The following WDR70 variants were observed in gnomAD, a reference collection of about 807,000 sequenced individuals.
WDR70 encodes the protein WD repeat-containing protein 70.
A neutral mutation model predicts 88.6 loss-of-function variants in WDR70; 53 were observed. The observed-to-expected ratio is 0.60, with a 90% confidence interval of 0.48 to 0.75. The LOEUF is 0.75. Among genes scored for constraint, WDR70 ranks in the 30% least tolerant of loss-of-function variants. WDR70 has a pLI of 0.00. For synonymous variants in WDR70, 280 were observed against 270.0 expected, an observed-to-expected ratio of 1.04 and a Z score of -0.36; for missense variants, 610 against 823.2, an observed-to-expected ratio of 0.74 and a Z score of 3.17.
chr5:37,515,855 G>A (rs1740872434), intron 8 of WDR70, among the ~76,000 whole-genome samples: 1 of 152,138 alleles, frequency 6.6e-6, no homozygotes, highest in African/African-American at 2.4e-5. Flanking sequence ...GTATATATGT[G>A]TGTGTTTATG....
intron 5 of WDR70, 81 bp downstream of exon 5, chr5:37,396,651 A>C: frequency 6.9e-7 from 1 of 1,446,742 alleles, no homozygotes; most frequent in Non-Finnish European, 9.0e-7. Context: ...ACTGTTTTTC[A>C]TGAGTAAGAG....
intron 9 of WDR70, among the ~76,000 whole-genome samples, chr5:37,565,163 G>A (rs762726478): frequency 1.9e-4 from 29 of 152,086 alleles, no homozygotes; most frequent in Admixed American, 1.4e-3. Context: ...GTATTATAAG[G>A]TGGGAATAAG....
chr5:37,698,789 G>T lies in WDR70; in HGVS notation c.1192+1035G>T, dbSNP rs111411116. ...CTAGTCCCTGTCCTTTTACCCTGGG[G>T]AACTCATTCAGATTCTCTTTAAGGA... On this transcript the variant is annotated intron_variant, in intron 11 of 17. Coordinates refer to ENST00000265107, the MANE Select transcript of WDR70 (RefSeq NM_018034.4). Among the ~76,000 whole-genome samples the T allele has an allele frequency of 3.2e-4, 48 of 152,198 alleles. 1 individual carries two copies. Among genetic ancestry groups the T allele is most frequent in the African/African-American group, 1.0e-3 (42 of 41,546 alleles).
intron 13 of WDR70, among the ~76,000 whole-genome samples, chr5:37,707,159 A>G (rs528914622): frequency 6.6e-6 from 1 of 152,278 alleles, no homozygotes; most frequent in East Asian, 1.9e-4. Flanking sequence ...GACTAATAGA[A>G]TTTTCTTTTT....
chr5:37,462,121 G>A (rs1739025088), intron 7 of WDR70, among the ~76,000 whole-genome samples: 1 of 152,032 alleles, frequency 6.6e-6, no homozygotes, highest in Non-Finnish European at 1.5e-5. Context: ...TTTGGCATTT[G>A]GAGTAGGGAA....
At position 37,516,545 on chromosome 5, in the gene WDR70, G is replaced by C; in HGVS notation, c.872G>C (p.Trp291Ser). ...GHTAMLHTGSWHPKIKGEFMT... is the reference protein window; with the variant it reads ...GHTAMLHTGSSHPKIKGEFMT... ...ACAGCAATGCTTCATACTGGCTCAT[G>C]GCATCCCAAAATAAAGGGAGAATTT... Residue 291 changes from tryptophan to serine, a missense_variant, in exon 9 of 18, where the codon TGG becomes TCG. Trp to Ser is a radical substitution (Grantham distance 177). Transcript: ENST00000265107. 6.2e-7 allele frequency: 1 copy of C among 1,605,488 alleles called. No homozygotes were observed. Among genetic ancestry groups the C allele is most frequent in the Non-Finnish European group, 8.5e-7 (1 of 1,174,622 alleles).
intron 9 of WDR70, among the ~76,000 whole-genome samples, chr5:37,576,562 C>T (rs1312447943): frequency 6.6e-6 from 1 of 152,112 alleles, no homozygotes; most frequent in Non-Finnish European, 1.5e-5. Flanking sequence ...TCACTTAGGA[C>T]ATTAGAACAA....
chr5:37,738,431 A>G (rs1185099496), intron 17 of WDR70, among the ~76,000 whole-genome samples: 1 of 152,184 alleles, frequency 6.6e-6, no homozygotes, highest in Non-Finnish European at 1.5e-5. Context: ...AAAGAATTTG[A>G]CCTGTGGACT....
At chr5:37,499,599 C>CTCTA (rs1740340877) in intron 8 of WDR70, among the ~76,000 whole-genome samples, 2 of 50,856 alleles carry the variant, frequency 3.9e-5, no homozygotes, top group African/African-American at 8.0e-5. Context: ...CTCTCTCTCT[C>CTCTA]TCTCTCTCTC....
chr5:37,606,263 G>A (rs1165250191), intron 10 of WDR70, among the ~76,000 whole-genome samples: 1 of 152,066 alleles, frequency 6.6e-6, no homozygotes, highest in African/African-American at 2.4e-5. Context: ...AATATCTTTG[G>A]CATTTTCTGT....
chr5:37,679,300 G>A (rs1185121865), intron 10 of WDR70, among the ~76,000 whole-genome samples: 2 of 152,078 alleles, frequency 1.3e-5, no homozygotes, highest in African/African-American at 4.8e-5. Flanking sequence ...TGGAGGAGGA[G>A]AGGCACCCTG....
At chr5:37,721,339 T>C (rs1305475272) in intron 14 of WDR70, 124 bp downstream of exon 14, 1 of 819,908 alleles carries the variant, frequency 1.2e-6, no homozygotes, top group Non-Finnish European at 1.9e-6. Context: ...AAAATGCAGC[T>C]GGAACAAAGT....
At chr5:37,549,204 T>G (rs1742075622) in intron 9 of WDR70, among the ~76,000 whole-genome samples, 1 of 152,238 alleles carries the variant, frequency 6.6e-6, no homozygotes, top group South Asian at 2.1e-4. Flanking sequence ...GGGATTGCAT[T>G]GAATCTGTAG....
Position 37,747,873 on chromosome 5 carries a change from G to GA in WDR70, c.1878-4611dup, listed in dbSNP as rs1318771745. Among the ~76,000 whole-genome samples the GA allele has an allele frequency of 5.3e-5, 8 of 152,214 alleles. No homozygotes were observed. In the South Asian group the frequency reaches 1.7e-3, roughly 32 times the overall value. On this transcript the variant is annotated intron_variant, in intron 17 of 17. Transcript: ENST00000265107. ...ACAAGCAGAGAGTCAAATCATGAAT[G>GA]AACTCCCATTCACAGTCACTACAAA...
intron 10 of WDR70, among the ~76,000 whole-genome samples, chr5:37,658,950 A>T (rs1394052704): frequency 6.6e-6 from 1 of 152,194 alleles, no homozygotes; most frequent in Non-Finnish European, 1.5e-5. Context: ...GAGGGCCTGA[A>T]GAAGGGGTCT....
At position 37,379,402 on chromosome 5, in the gene WDR70, A is replaced by T. The variant is rs751909772; in HGVS notation, c.25+10A>T. ...TCTGGGCCCAGCGAAGGTGGGTTTC[A>T]TGAGGCGAGTCCGGGCGGGGTGGGC... On this transcript the variant is annotated intron_variant, in intron 1 of 17. Transcript: ENST00000265107. 6.2e-7 allele frequency: 1 copy of T among 1,613,596 alleles called. No homozygotes were observed. Among genetic ancestry groups the T allele is most frequent in the Non-Finnish European group, 8.5e-7 (1 of 1,179,810 alleles).
intron 7 of WDR70, among the ~76,000 whole-genome samples, chr5:37,463,328 A>G (rs1328573323): frequency 6.6e-6 from 1 of 151,532 alleles, no homozygotes; most frequent in Non-Finnish European, 1.5e-5. Context: ...ATCATCACGC[A>G]GCTAGTTAGC....
chr5:37,706,301 C>T lies in WDR70; in HGVS notation c.1416+3214C>T, dbSNP rs1157401811. ...CCATACGATGTTTGCACGCATTTTA[C>T]AATTCTGCTAAAATTTTTAGACATT... is the stretch of plus-strand genomic sequence containing the variant. On this transcript the variant is annotated intron_variant, in intron 13 of 17. Coordinates refer to ENST00000265107, the MANE Select transcript of WDR70 (RefSeq NM_018034.4). 2.0e-5 allele frequency among the ~76,000 whole-genome samples: 3 copies of T among 152,196 alleles called. No individual in the cohort carries two copies. In the South Asian group the frequency reaches 6.2e-4, roughly 32 times the overall value.
intron 7 of WDR70, among the ~76,000 whole-genome samples, chr5:37,447,275 A>G (rs186351238): frequency 6.6e-6 from 1 of 152,328 alleles, no homozygotes; most frequent in East Asian, 1.9e-4. Flanking sequence ...GATCATTACA[A>G]AGTCAGGAAA....
Sources: gnomAD v4.1 joint callset for allele counts (sites outside exome capture counted in the v4.1 genomes callset) on GRCh38, gnomAD v4.1.1 for gene constraint, MANE v1.5 for transcripts, NCBI Gene and HGNC (gene_info 2026-07-23, HGNC 2026-07-21) for gene names.